PHIP: variants seen among roughly 807,000 people sequenced by gnomAD.
The protein encoded by PHIP is PH-interacting protein.
A neutral mutation model predicts 236.8 loss-of-function variants in PHIP; 54 were observed. The observed-to-expected ratio is 0.23, with a 90% CI of 0.18 to 0.29. The LOEUF (loss-of-function observed/expected upper bound fraction) is 0.29. Among genes scored for constraint, PHIP ranks in the 10% least tolerant of loss-of-function variants. The pLI, the probability that PHIP is intolerant of heterozygous loss-of-function variation, is 1.00. For missense variants in PHIP, 1,370 were observed against 2,190.8 expected (o/e 0.63, Z 7.48); for synonymous variants, 756 against 718.9 (o/e 1.05, Z -0.83).
chr6:78,955,902 A>C (rs2127692134), intron 32 of PHIP: 1 of 285,012 alleles, frequency 3.5e-6, no homozygotes, highest in South Asian at 1.6e-4. Flanking sequence ...ATTACACCAA[A>C]CCCAAGTCTC....
chr6:78,988,115 T>C (rs889676697), intron 21 of PHIP, 94 bp downstream of exon 21: 1 of 900,198 alleles, frequency 1.1e-6, no homozygotes, highest in Admixed American at 2.9e-5. Context: ...TTAAGCTACA[T>C]CTACAAACAT....
intron 33 of PHIP, among the ~76,000 whole-genome samples, 160 bp from the exon 34 acceptor site, chr6:78,955,442 AT>A (rs541264894): frequency 4.5e-4 from 69 of 151,778 alleles, no homozygotes; most frequent in Middle Eastern, 3.4e-3. Flanking sequence ...CCATTAAAAA[AT>A]TTTTTTTAAC....
intron 17 of PHIP, among the ~76,000 whole-genome samples, chr6:78,999,710 GAA>G (rs1458204063): frequency 1.3e-5 from 2 of 151,942 alleles, no homozygotes; most frequent in Admixed American, 1.3e-4. Context: ...TAAATGGTAA[GAA>G]AAGAGAGCAA....
chr6:78,998,417 C>G (rs759502637), intron 17 of PHIP, 26 bp from the exon 18 acceptor site: 1 of 1,600,314 alleles, frequency 6.2e-7, no homozygotes, highest in Non-Finnish European at 8.6e-7. Flanking sequence ...CAAAATATTA[C>G]GAATATTTTA....
At chr6:79,071,910 T>A (rs971221216) in intron 4 of PHIP, among the ~76,000 whole-genome samples, 3 of 151,832 alleles carry the variant, frequency 2.0e-5, no homozygotes, top group Admixed American at 6.6e-5. Flanking sequence ...TTATTATTAT[T>A]ATTTTCTTAT....
In PHIP at chr6:78,940,270, A is replaced by G. The variant is rs1470911723; in HGVS notation, c.*423T>C. ...AGGGGCATGACTTGTATCAATAGAA[A>G]TGTACCTCACTTGGTCAAAAATAAT... On this transcript the variant is annotated 3_prime_UTR_variant, in exon 40 of 40. Coordinates refer to ENST00000275034, the MANE Select transcript of PHIP (RefSeq NM_017934.7). The G allele has an allele frequency of 6.6e-6, 1 of 151,952 alleles. No homozygotes were observed. Among genetic ancestry groups the G allele is most frequent in the Non-Finnish European group, 1.5e-5 (1 of 67,916 alleles). The allele number at this position is 151,952 out of a possible 1,614,324, so 9.4% of individuals were successfully genotyped here.
At chr6:78,992,232 G>T (rs148769458) in intron 19 of PHIP, among the ~76,000 whole-genome samples, 2 of 151,832 alleles carry the variant, frequency 1.3e-5, no homozygotes, top group Non-Finnish European at 2.9e-5. Flanking sequence ...CAAAGTGCTG[G>T]GATTACAGGT....
Position 78,941,275 on chromosome 6 carries a change from T to C in PHIP, c.4884A>G (p.Gly1628=), listed in dbSNP as rs1478569633. Reference sequence around the variant, plus strand: ...TCTTCACAAGTTTTGATGGCTGTCCTCCATGGCCATTTACTTGAATGGTTC... The same window carrying C: ...TCTTCACAAGTTTTGATGGCTGTCCCCCATGGCCATTTACTTGAATGGTTC... ...VPGTIQVNGH[G]GQPSKLVKRG... The change falls in exon 40 of 40, where the codon GGA becomes GGG. Residue 1628 remains glycine, a synonymous_variant. Coordinates refer to ENST00000275034, the MANE Select transcript of PHIP (RefSeq NM_017934.7). 2 of 1,613,492 alleles carry C rather than the reference T, an allele frequency of 1.2e-6. No individual in the cohort carries two copies. The highest frequency in any genetic ancestry group is 2.2e-5 in the South Asian group (2 of 91,074).
chr6:79,049,056 C>G (rs1310681340), intron 6 of PHIP, among the ~76,000 whole-genome samples: 1 of 151,446 alleles, frequency 6.6e-6, no homozygotes, highest in Admixed American at 6.6e-5. Flanking sequence ...ATTTTTTATC[C>G]TCTTTTGACT....
chr6:78,947,850 A>G (rs967295122), intron 35 of PHIP, 75 bp from the exon 36 acceptor site: 2 of 1,003,514 alleles, frequency 2.0e-6, no homozygotes, highest in Non-Finnish European at 3.0e-6. Context: ...GGATTCGCAC[A>G]GGATTTTTAT....
intron 6 of PHIP, among the ~76,000 whole-genome samples, chr6:79,052,590 T>C (rs1399071167): frequency 6.6e-6 from 1 of 152,074 alleles, no homozygotes; most frequent in Non-Finnish European, 1.5e-5. Flanking sequence ...TGAGAATGAA[T>C]TGGAAAGGAT....
chr6:78,998,536 TAAA>T, intron 17 of PHIP, 145 bp from the exon 18 acceptor site: 2 of 476,964 alleles, frequency 4.2e-6, no homozygotes, highest in South Asian at 3.2e-5. Context: ...TGATGGGAGT[TAAA>T]AAAAAAAAGG....
rs576080430 is a variant in PHIP, at chr6:79,027,229, A to G, written c.601-1065T>C. Among the ~76,000 whole-genome samples, 12 of 152,304 alleles carry G rather than the reference A, an allele frequency of 7.9e-5. No homozygotes were observed. In the South Asian group the frequency reaches 2.5e-3, roughly 32 times the overall value. ...ACATATTAATGTTTCCAAACAGAGT[A>G]TGTTAAATGCTGTATCTTAAATCAG... On this transcript the variant is annotated intron_variant, in intron 7 of 39. Coordinates refer to ENST00000275034, the MANE Select transcript of PHIP (RefSeq NM_017934.7).
chr6:79,015,486 A>C (rs1450853908), intron 14 of PHIP, 144 bp downstream of exon 14: 10 of 672,688 alleles, frequency 1.5e-5, no homozygotes, highest in Admixed American at 3.0e-5. Flanking sequence ...TGCACTGTTA[A>C]AATTATTCCC....
At chr6:78,947,110 C>A (rs915436299) in intron 36 of PHIP, among the ~76,000 whole-genome samples, 3 of 151,828 alleles carry the variant, frequency 2.0e-5, no homozygotes, top group African/African-American at 7.3e-5. Context: ...AAGAAAAGTC[C>A]GACTCTAAAT....
At chr6:79,048,806 C>A (rs577671595) in intron 6 of PHIP, among the ~76,000 whole-genome samples, 1 of 152,294 alleles carries the variant, frequency 6.6e-6, no homozygotes, top group African/African-American at 2.4e-5. Flanking sequence ...TCTGCCAACT[C>A]ATGAAAGCAG....
At chr6:78,965,254 C>T (rs1482263916) in intron 29 of PHIP, among the ~76,000 whole-genome samples, 3 of 152,012 alleles carry the variant, frequency 2.0e-5, no homozygotes, top group African/African-American at 4.8e-5. Context: ...TTTCTAAGGC[C>T]GAGTACTAAA....
chr6:79,004,222 T>C (rs1309873359), intron 15 of PHIP, among the ~76,000 whole-genome samples: 5 of 152,116 alleles, frequency 3.3e-5, no homozygotes, highest in Non-Finnish European at 5.9e-5. Context: ...GTAGCAACTG[T>C]ACGGATTTTT....
chr6:78,940,931 C>T lies in PHIP; in HGVS notation c.5228G>A (p.Arg1743Gln), dbSNP rs763249406. Reference protein sequence around the residue: ...ASVKVLRRSNRKKIDDPIDEE... With the variant: ...ASVKVLRRSNQKKIDDPIDEE... ...ATCTATAGGATCATCTATCTTTTTT[C>T]GGTTACTTCTCCTTAACACTTTGAC... The change falls in exon 40 of 40, where the codon CGA becomes CAA. Residue 1743 changes from arginine to glutamine, a missense_variant. Physicochemically the swap from Arg to Gln is conservative, Grantham distance 43 (BLOSUM62 1). Transcript: ENST00000275034. The T allele has an allele frequency of 2.2e-5, 35 of 1,613,672 alleles. No individual in the cohort carries two copies. Among genetic ancestry groups the T allele is most frequent in the Non-Finnish European group, 2.9e-5 (34 of 1,179,804 alleles).
Sources: gnomAD v4.1 joint callset for allele counts (sites outside exome capture counted in the v4.1 genomes callset) on GRCh38, gnomAD v4.1.1 for gene constraint, MANE v1.5 for transcripts, NCBI Gene and HGNC (gene_info 2026-07-23, HGNC 2026-07-21) for gene names.